CLIC2: variants seen among roughly 807,000 people sequenced by gnomAD.
CLIC2 encodes chloride intracellular channel protein 2.
Under a neutral mutation model 14.8 loss-of-function variants are expected in CLIC2, and 9 were observed. The observed-to-expected ratio is 0.61, with a 90% CI of 0.37 to 1.06. The LOEUF (loss-of-function observed/expected upper bound fraction) is 1.06, where lower values mean the gene tolerates loss of function less well. CLIC2 is among the 50% of genes least tolerant of loss of function. CLIC2 has a pLI of 0.01. For synonymous variants in CLIC2, 61 were observed against 66.3 expected (o/e 0.92, Z 0.39); for missense variants, 148 against 181.4 (o/e 0.82, Z 1.06).
intron 1 of CLIC2, among the ~76,000 whole-genome samples, chrX:155,320,708 C>G (rs1205579475): frequency 7.2e-5 from 8 of 111,522 alleles, no homozygotes; most frequent in African/African-American, 1.3e-4. Context: ...GGATGGAGAA[C>G]GAGTTTGACA....
intron 3 of CLIC2, among the ~76,000 whole-genome samples, chrX:155,297,421 T>C (rs1335426180): frequency 3.6e-5 from 4 of 110,632 alleles, no homozygotes; most frequent in Non-Finnish European, 7.6e-5. Context: ...TGACTATAGT[T>C]ACAAAAATGT....
chrX:155,298,956 C>T (rs1459681079), intron 2 of CLIC2, 46 bp from the exon 3 acceptor site: 1 of 1,180,437 alleles, frequency 8.5e-7, no homozygotes, highest in African/African-American at 1.8e-5. Flanking sequence ...AGATAAAGTA[C>T]ACATTAAATA....
chrX:155,305,062 A>C (rs1314745523), intron 1 of CLIC2, among the ~76,000 whole-genome samples: 2 of 112,083 alleles, frequency 1.8e-5, no homozygotes, highest in Non-Finnish European at 1.9e-5. Flanking sequence ...CCAGAGGTGG[A>C]GCCTACAGAG....
At position 155,313,941 on chromosome X, in the gene CLIC2, T is replaced by C. The variant is rs782288916; in HGVS notation, c.58-14796A>G. On this transcript the variant is annotated intron_variant, in intron 1 of 5. Coordinates refer to ENST00000369449, the MANE Select transcript of CLIC2 (RefSeq NM_001289.6). Reference sequence around the variant, plus strand: ...TTTCCCCTACTTCCTTGGTGATCTGTATGACTCAGCAGAGGCAGCTATTAT... The same window carrying C: ...TTTCCCCTACTTCCTTGGTGATCTGCATGACTCAGCAGAGGCAGCTATTAT... 5.6e-4 allele frequency among the ~76,000 whole-genome samples: 62 copies of C among 111,342 alleles called. 1 individual carries two copies. In the South Asian group the frequency reaches 0.023, roughly 42 times the overall value.
intron 1 of CLIC2, among the ~76,000 whole-genome samples, chrX:155,303,965 G>A (rs1177899713): frequency 1.9e-5 from 2 of 106,565 alleles, no homozygotes; most frequent in Non-Finnish European, 3.9e-5. Flanking sequence ...TAGTCTGATG[G>A]GCTTCCCTTT....
chrX:155,301,457 A>C lies in CLIC2; in HGVS notation c.58-2312T>G, dbSNP rs782252799. On this transcript the variant is annotated intron_variant, in intron 1 of 5. Transcript: ENST00000369449. The stretch of plus-strand genomic sequence containing the variant: ...TCCCGAGACTTTGCTGAAGTTGCTT[A>C]TCAGCTTAAGGAGATTTTGGGCTGA... Among the ~76,000 whole-genome samples the C allele has an allele frequency of 3.7e-4, 41 of 110,359 alleles. No individual in the cohort carries two copies. In the South Asian group the frequency reaches 0.015, roughly 40 times the overall value.
intron 3 of CLIC2, among the ~76,000 whole-genome samples, chrX:155,296,180 G>T (rs1418654415): frequency 3.6e-5 from 4 of 111,484 alleles, no homozygotes; most frequent in African/African-American, 1.3e-4. Flanking sequence ...ACAGAGCAAT[G>T]GTCAGAATAG....
At chrX:155,333,936 G>A (rs1226282941) in intron 1 of CLIC2, among the ~76,000 whole-genome samples, 3 of 109,699 alleles carry the variant, frequency 2.7e-5, no homozygotes, top group African/African-American at 9.9e-5. Flanking sequence ...GGTCATTCTC[G>A]GCCCTCTCCT....
At chrX:155,318,824 T>C (rs1407995463) in intron 1 of CLIC2, among the ~76,000 whole-genome samples, 6 of 112,100 alleles carry the variant, frequency 5.4e-5, no homozygotes, top group African/African-American at 1.9e-4. Context: ...TATAAGGCTA[T>C]AGTCACCAAA....
intron 3 of CLIC2, chrX:155,293,098 G>A (rs1205498644): frequency 4.9e-6 from 3 of 617,731 alleles, no homozygotes; most frequent in Non-Finnish European, 5.7e-6. Flanking sequence ...TTCAGATGAC[G>A]GCGAAGATGG....
intron 3 of CLIC2, 47 bp downstream of exon 3, chrX:155,298,738 G>A (rs1557318622): frequency 1.7e-6 from 2 of 1,194,431 alleles, no homozygotes; most frequent in East Asian, 5.9e-5. Flanking sequence ...AAACAAGCCA[G>A]TAAAATAGAT....
intron 1 of CLIC2, among the ~76,000 whole-genome samples, chrX:155,323,300 G>T (rs1168535308): frequency 8.9e-6 from 1 of 111,736 alleles, no homozygotes; most frequent in African/African-American, 3.3e-5. Flanking sequence ...CTGGCAAACT[G>T]AATCCAGCAG....
At chrX:155,323,829 C>T (rs2075126449) in intron 1 of CLIC2, among the ~76,000 whole-genome samples, 1 of 112,434 alleles carries the variant, frequency 8.9e-6, no homozygotes, top group African/African-American at 3.2e-5. Flanking sequence ...GCAACTTCAG[C>T]AAAGTCTCAG....
chrX:155,305,238 TGGG>T (rs2124189775), intron 1 of CLIC2, among the ~76,000 whole-genome samples: 1 of 112,313 alleles, frequency 8.9e-6, no homozygotes, highest in South Asian at 3.7e-4. Flanking sequence ...CGAGACTCCG[TGGG>T]CGTGGGACCC....
At chrX:155,292,203 T>C in intron 3 of CLIC2, 1 of 568,073 alleles carries the variant, frequency 1.8e-6, no homozygotes, top group Non-Finnish European at 3.2e-6. Context: ...TATTTGGGTG[T>C]GACCTCCTTT....
chrX:155,279,386 C>T lies in CLIC2; in HGVS notation c.401-56G>A, dbSNP rs1006432328. 6 of 927,048 alleles carry T rather than the reference C, an allele frequency of 6.5e-6. No homozygotes were observed. In the East Asian group the frequency reaches 1.2e-4, roughly 19 times the overall value. 76.4% of individuals were successfully genotyped at this position (927,048 alleles called of 1,213,427 possible). A position where few individuals can be genotyped will look rare whatever the true frequency, so the allele number is the denominator to read the frequency against. On this transcript the variant is annotated intron_variant, in intron 4 of 5. Transcript: ENST00000369449. Reference sequence around the variant, plus strand: ...AAATGTATTGTCTTTTGACTAAATACATTCTAAATATGCTTTCCACACATT... The same window carrying T: ...AAATGTATTGTCTTTTGACTAAATATATTCTAAATATGCTTTCCACACATT...
chrX:155,288,038 T>C (rs183667835), intron 3 of CLIC2, among the ~76,000 whole-genome samples: 3 of 112,206 alleles, frequency 2.7e-5, no homozygotes, highest in Non-Finnish European at 3.8e-5. Context: ...GCCTTCCCAA[T>C]TGGGCTCTCA....
At chrX:155,309,340 T>C (rs1427305624) in intron 1 of CLIC2, among the ~76,000 whole-genome samples, 1 of 111,076 alleles carries the variant, frequency 9.0e-6, no homozygotes, top group Non-Finnish European at 1.9e-5. Context: ...TCACACCAAT[T>C]CTACTCAAAC....
At chrX:155,282,337 G>C (rs1367083649) in intron 3 of CLIC2, among the ~76,000 whole-genome samples, 1 of 112,002 alleles carries the variant, frequency 8.9e-6, no homozygotes, top group Non-Finnish European at 1.9e-5. Flanking sequence ...TAGCAGGACA[G>C]TTTTAAATTA....
Sources: gnomAD v4.1 joint callset for allele counts (sites outside exome capture counted in the v4.1 genomes callset) on GRCh38, gnomAD v4.1.1 for gene constraint, MANE v1.5 for transcripts, NCBI Gene and HGNC (gene_info 2026-07-23, HGNC 2026-07-21) for gene names.